Variants in ARVCF observed in about 807,000 individuals in gnomAD.
The protein encoded by ARVCF is splicing regulator ARVCF.
In ARVCF, 66 loss-of-function variants were observed where a neutral mutation model predicts 90.9. The observed-to-expected ratio is 0.73, with a 90% CI of 0.60 to 0.89. ARVCF has a LOEUF of 0.89. Ranked by LOEUF, ARVCF falls within the 40% of genes least tolerant of loss-of-function variation. The pLI is 0.00. For missense variants in ARVCF, 1,469 were observed against 1,382.3 expected (o/e 1.06, Z -1.00); for synonymous variants, 653 against 603.4 (o/e 1.08, Z -1.21).
chr22:19,975,246 C>T (rs1110478), intron 11 of ARVCF, among the ~76,000 whole-genome samples: 112,444 of 152,062 alleles, frequency 0.74, 43,721 homozygotes, highest in Non-Finnish European at 0.88. Flanking sequence ...AGCATACAGC[C>T]CAATAGGCAC....
intron 9 of ARVCF, among the ~76,000 whole-genome samples, chr22:19,977,132 A>ACT (rs1943200530): frequency 6.6e-6 from 1 of 152,026 alleles, no homozygotes; most frequent in African/African-American, 2.4e-5. Flanking sequence ...GGCAAGTGGA[A>ACT]CTCTCCCCGG....
chr22:19,967,062 C>T (rs1161327992), downstream of ARVCF: 2 of 1,219,136 alleles, frequency 1.6e-6, no homozygotes, highest in African/African-American at 1.6e-5. Flanking sequence ...CTTCTTTCCC[C>T]TCTTGACCAG....
chr22:20,007,680 T>G (rs942677563), intron 2 of ARVCF, among the ~76,000 whole-genome samples: 1 of 152,212 alleles, frequency 6.6e-6, no homozygotes, highest in Non-Finnish European at 1.5e-5. Context: ...GATAAAAGGA[T>G]GGGTTCCGCC....
rs116102961 is a variant in ARVCF at position 19,979,056 on chromosome 22, T to G, written c.1421A>C (p.Tyr474Ser). The change falls in exon 7 of 20, where the codon TAT (tyrosine) becomes TCT (serine). Residue 474 changes from tyrosine to serine, a missense_variant. Physicochemically the swap from Tyr to Ser is moderately radical, Grantham distance 144. Coordinates refer to ENST00000263207, the MANE Select transcript of ARVCF (RefSeq NM_001670.3). ...VTGTLWNLSS[Y>S]EPLKMVIIDH... ...AATGATGACCATCTTCAGGGGCTCA[T>G]AGGATGACAGGTTCCACAGGGTGCC... 2.7e-4 allele frequency: 443 copies of G among 1,613,184 alleles called. 1 individual carries two copies. The African/African-American group carries it at 5.2e-3, about 19-fold the overall frequency.
intron 19 of ARVCF, 42 bp downstream of exon 19, chr22:19,971,174 G>A: frequency 6.4e-7 from 1 of 1,551,164 alleles, no homozygotes; most frequent in South Asian, 1.2e-5. Flanking sequence ...CTGGCCCAGA[G>A]GGCAGGAACA....
intron 2 of ARVCF, among the ~76,000 whole-genome samples, chr22:19,998,694 C>T (rs1007683497): frequency 1.3e-5 from 2 of 152,168 alleles, no homozygotes; most frequent in Admixed American, 6.5e-5. Flanking sequence ...GGGGAGCTCC[C>T]GCCAGTCAGG....
At chr22:19,968,744 C>CG (rs752735911), downstream of ARVCF, 53 of 1,608,582 alleles carry the variant, frequency 3.3e-5, no homozygotes, top group East Asian at 4.5e-5. Flanking sequence ...TGACTGCCCC[C>CG]CCGGCCCCCC....
rs1223298683 is a variant in ARVCF, at chr22:19,971,349, G to A, written c.2782-14C>T. 7 of 1,548,472 alleles carry A rather than the reference G, an allele frequency of 4.5e-6. No individual in the cohort carries two copies. The highest frequency in any genetic ancestry group is 1.4e-5 in the African/African-American group (1 of 73,174). ...GCTGGGGTCGAGCTGCAGCGCACGG[G>A]TGGGCATTAGAGGCACAATAGAGCA... On this transcript the variant is annotated splice_polypyrimidine_tract_variant and intron_variant, in intron 18 of 19. Coordinates refer to ENST00000263207, the MANE Select transcript of ARVCF (RefSeq NM_001670.3).
downstream of ARVCF, chr22:19,968,619 G>A: frequency 6.2e-7 from 1 of 1,614,088 alleles, no homozygotes; most frequent in African/African-American, 1.3e-5. Flanking sequence ...TAGCACACGT[G>A]CGCGGGAGCA....
chr22:19,979,469 G>T, intron 6 of ARVCF: 1 of 573,512 alleles, frequency 1.7e-6, no homozygotes, highest in Non-Finnish European at 3.0e-6. Flanking sequence ...GGTCCCAGGA[G>T]AGTTTCTGTG....
intron 2 of ARVCF, among the ~76,000 whole-genome samples, chr22:19,994,907 G>A (rs1432572739): frequency 1.4e-5 from 2 of 145,420 alleles, no homozygotes; most frequent in Non-Finnish European, 3.0e-5. Context: ...TGAACGTATG[G>A]ATGGATGGGG....
intron 1 of ARVCF, among the ~76,000 whole-genome samples, chr22:20,013,634 G>A (rs150580380): frequency 4.6e-5 from 7 of 152,336 alleles, no homozygotes; most frequent in East Asian, 3.9e-4. Context: ...CTCTGCCAGA[G>A]GCGGCAGCCC....
chr22:19,988,934 G>A (rs1318864104), intron 3 of ARVCF, among the ~76,000 whole-genome samples: 1 of 152,218 alleles, frequency 6.6e-6, no homozygotes, highest in Non-Finnish European at 1.5e-5. Flanking sequence ...TTTTGCCTGA[G>A]GAGGTCAGGG....
chr22:19,981,938 T>C lies in ARVCF; in HGVS notation c.364A>G (p.Thr122Ala). The change falls in exon 4 of 20, where the codon ACC (threonine) becomes GCC (alanine). Residue 122 changes from threonine (T) to alanine (A), a missense_variant. Physicochemically the swap from Thr to Ala is moderately conservative, Grantham distance 58. Transcript: ENST00000263207. ...SEDGTTRRTE[T>A]KVTKTVKTVT... ...CTGCCTGGGCCTGGCCATACCTTGG[T>C]CTCGGTGCGCCGGGTTGTGCCATCT... is the stretch of plus-strand genomic sequence containing the variant. 6.2e-7 allele frequency: 1 copy of C among 1,612,358 alleles called. No homozygotes were observed. The highest frequency in any genetic ancestry group is 8.5e-7 in the Non-Finnish European group (1 of 1,179,682).
chr22:19,996,121 G>A (rs1224450123), intron 2 of ARVCF, among the ~76,000 whole-genome samples: 1 of 152,170 alleles, frequency 6.6e-6, no homozygotes, highest in Non-Finnish European at 1.5e-5. Context: ...GGCCAGAGCC[G>A]GGGGCCTGGG....
chr22:19,968,676 G>A (rs1277428084), downstream of ARVCF: 2 of 1,613,962 alleles, frequency 1.2e-6, no homozygotes, highest in Non-Finnish European at 1.7e-6. Context: ...AATACAGGGA[G>A]GTGGTGGACG....
At chr22:19,977,347 TAC>T in intron 9 of ARVCF, 66 bp downstream of exon 9, 1 of 1,460,110 alleles carries the variant, frequency 6.8e-7, no homozygotes, top group Non-Finnish European at 9.1e-7. Flanking sequence ...GCTGTGGGTG[TAC>T]AGAGAGCCTT....
rs1019704774 is a variant in ARVCF at position 20,008,599 on chromosome 22, C to T, written c.-19+1856G>A. On this transcript the variant is annotated intron_variant, in intron 2 of 19. Transcript: ENST00000263207. ...TGAGTGGGTGCTGAGTGTGGTGACA[C>T]ATGGGTGTTTACATCAGCCCCTGTC... 2.6e-5 allele frequency among the ~76,000 whole-genome samples: 4 copies of T among 152,198 alleles called. No individual in the cohort carries two copies. In the East Asian group the frequency reaches 5.8e-4, roughly 22 times the overall value.
At chr22:20,012,077 A>C (rs1944852890) in intron 1 of ARVCF, among the ~76,000 whole-genome samples, 1 of 79,806 alleles carries the variant, frequency 1.3e-5, no homozygotes, top group Admixed American at 1.2e-4. Context: ...GGCCTCCCAA[A>C]GTCCCCCCCC....
Sources: allele counts gnomAD v4.1 joint callset (sites outside exome capture counted in the v4.1 genomes callset), GRCh38; gene constraint gnomAD v4.1.1; transcripts MANE v1.5; gene names NCBI Gene and HGNC (gene_info 2026-07-23, HGNC 2026-07-21).